C12orf42: variants seen among roughly 807,000 people sequenced by gnomAD.
C12orf42 encodes the protein chromosome 12 open reading frame 42.
In C12orf42, 25 loss-of-function variants were observed where a neutral mutation model predicts 21.6. That is an observed-to-expected ratio of 1.16 (90% confidence interval 0.84 to 1.62). The LOEUF (loss-of-function observed/expected upper bound fraction) is 1.62. C12orf42 is among the 40% of genes most tolerant of loss of function. The pLI is 0.00. For missense variants in C12orf42, 483 were observed against 459.3 expected, an observed-to-expected ratio of 1.05 and a Z score of -0.47; for synonymous variants, 174 against 175.0, an observed-to-expected ratio of 0.99 and a Z score of 0.05.
chr12:103,479,146 G>T (rs1240373167), intron 1 of C12orf42, among the ~76,000 whole-genome samples: 2 of 152,048 alleles, frequency 1.3e-5, no homozygotes, highest in Non-Finnish European at 2.9e-5. Context: ...GGTATAGAAA[G>T]GGAAGCCTAG....
chr12:103,553,159 A>T, the C12orf42 span, among the ~76,000 whole-genome samples: 1 of 152,144 alleles, frequency 6.6e-6, no homozygotes, highest in Non-Finnish European at 1.5e-5. Context: ...TGTAGCCTCC[A>T]TCCACTAGAT....
intron 4 of C12orf42, among the ~76,000 whole-genome samples, chr12:103,292,777 C>T (rs181487701): frequency 1.2e-3 from 180 of 152,096 alleles, no homozygotes; most frequent in African/African-American, 4.1e-3. Context: ...GAAATTCATG[C>T]ATATATTCTG....
chr12:103,056,860 T>G, the C12orf42 span, among the ~76,000 whole-genome samples: 8 of 152,204 alleles, frequency 5.3e-5, no homozygotes, highest in African/African-American at 1.9e-4. Context: ...TCTGTGAGTT[T>G]CTATTTTTCT....
At chr12:103,247,478 T>C (rs2034065369) in intron 10 of C12orf42, among the ~76,000 whole-genome samples, 2 of 152,064 alleles carry the variant, frequency 1.3e-5, no homozygotes, top group Admixed American at 1.3e-4. Flanking sequence ...TTTCAAAAAG[T>C]AACTATTCAT....
chr12:103,096,913 C>T, the C12orf42 span, among the ~76,000 whole-genome samples: 1 of 152,120 alleles, frequency 6.6e-6, no homozygotes, highest in Non-Finnish European at 1.5e-5. Flanking sequence ...CTTCACCAGG[C>T]TTCCTCCTTG....
the C12orf42 span, among the ~76,000 whole-genome samples, chr12:103,068,711 C>A: frequency 6.6e-6 from 1 of 151,476 alleles, no homozygotes; most frequent in Non-Finnish European, 1.5e-5. Context: ...AGCCTCCCAA[C>A]CTACATCTTT....
chr12:103,464,415 G>GT (rs201619152), intron 2 of C12orf42, among the ~76,000 whole-genome samples: 1,032 of 74,048 alleles, frequency 0.014, 15 homozygotes, highest in East Asian at 0.083. Flanking sequence ...TTTTTAATGG[G>GT]GTTTTTTTTT....
At chr12:103,122,593 T>C in the C12orf42 span, among the ~76,000 whole-genome samples, 223 of 152,184 alleles carry the variant, frequency 1.5e-3, no homozygotes, top group African/African-American at 4.9e-3. Flanking sequence ...TTTATAAAAA[T>C]CTGAAGGAGG....
At chr12:103,335,872 C>T (rs2041647447) in intron 4 of C12orf42, among the ~76,000 whole-genome samples, 1 of 152,164 alleles carries the variant, frequency 6.6e-6, no homozygotes, top group Non-Finnish European at 1.5e-5. Flanking sequence ...GAATTAGCTC[C>T]AGACACAATG....
At chr12:103,072,158 T>C in the C12orf42 span, among the ~76,000 whole-genome samples, 1 of 152,178 alleles carries the variant, frequency 6.6e-6, no homozygotes, top group Non-Finnish European at 1.5e-5. Flanking sequence ...TCAGCTGACC[T>C]GGCAAGGATG....
the C12orf42 span, among the ~76,000 whole-genome samples, chr12:103,521,909 C>T: frequency 7.9e-5 from 12 of 152,222 alleles, no homozygotes; most frequent in African/African-American, 1.2e-4. Flanking sequence ...GTGCTTAAGT[C>T]GATATATTAA....
the C12orf42 span, among the ~76,000 whole-genome samples, chr12:103,148,981 T>C: frequency 1.3e-5 from 2 of 152,136 alleles, no homozygotes; most frequent in African/African-American, 2.4e-5. Context: ...ATCTGTAGAG[T>C]TGGACTAGTC....
chr12:103,138,480 C>A, the C12orf42 span, among the ~76,000 whole-genome samples: 1 of 152,188 alleles, frequency 6.6e-6, no homozygotes, highest in African/African-American at 2.4e-5. Flanking sequence ...TTGTAAGTTT[C>A]TTGAGGCCTC....
At chr12:103,332,802 G>A (rs1262783678) in intron 4 of C12orf42, among the ~76,000 whole-genome samples, 1 of 152,208 alleles carries the variant, frequency 6.6e-6, no homozygotes, top group East Asian at 1.9e-4. Context: ...TATAGCCCAT[G>A]GACCAAATCC....
the C12orf42 span, among the ~76,000 whole-genome samples, chr12:103,502,041 C>T: frequency 6.6e-6 from 1 of 152,162 alleles, no homozygotes; most frequent in Non-Finnish European, 1.5e-5. Context: ...ATCCTTCAGC[C>T]CACCCTAGCT....
At chr12:103,426,633 G>C (rs530562479) in intron 2 of C12orf42, among the ~76,000 whole-genome samples, 6 of 152,236 alleles carry the variant, frequency 3.9e-5, no homozygotes, top group Admixed American at 1.3e-4. Context: ...TACTCCTCAA[G>C]AAGAGCAACC....
At chr12:103,500,917 T>A (rs909345967), upstream of C12orf42, among the ~76,000 whole-genome samples, 1 of 152,254 alleles carries the variant, frequency 6.6e-6, no homozygotes, top group Non-Finnish European at 1.5e-5. Context: ...ACATCTATTA[T>A]AAGAAAGGCA....
the C12orf42 span, among the ~76,000 whole-genome samples, chr12:103,177,748 G>T: frequency 6.6e-6 from 1 of 152,098 alleles, no homozygotes; most frequent in Non-Finnish European, 1.5e-5. Flanking sequence ...CTCCTTCTCC[G>T]ATGCTGCTTT....
chr12:103,196,924 C>T, the C12orf42 span, among the ~76,000 whole-genome samples: 1 of 152,090 alleles, frequency 6.6e-6, no homozygotes, highest in Admixed American at 6.6e-5. Context: ...ATTTAAGACT[C>T]ATATTGATAC....
Sources: gnomAD v4.1 joint callset for allele counts (sites outside exome capture counted in the v4.1 genomes callset) on GRCh38, gnomAD v4.1.1 for gene constraint, MANE v1.5 for transcripts, NCBI Gene and HGNC (gene_info 2026-07-23, HGNC 2026-07-21) for gene names.